Variants in EGR2 observed in about 807,000 individuals in gnomAD.
EGR2 encodes early growth response 2, also known as E3 SUMO-protein ligase EGR2.
EGR2 carries 2 observed loss-of-function variants against 21.2 expected under a neutral mutation model. The observed-to-expected ratio is 0.09, with a 90% CI of 0.04 to 0.30. The LOEUF (loss-of-function observed/expected upper bound fraction) is 0.30, where lower values mean the gene tolerates loss of function less well. Ranked by LOEUF, EGR2 falls within the 10% of genes least tolerant of loss-of-function variation. The probability of loss-of-function intolerance (pLI) is 1.00; values close to 1 mark genes in which losing one functional copy is unlikely to be tolerated. For missense variants in EGR2, 458 were observed against 630.2 expected, an observed-to-expected ratio of 0.73 and a Z score of 2.93; for synonymous variants, 282 against 258.2, an observed-to-expected ratio of 1.09 and a Z score of -0.88.
chr10:62,816,055 C>G lies in EGR2; in HGVS notation c.-26G>C, dbSNP rs1447159444. Reference sequence around the variant, plus strand: ...TTGCTCCTCGCACAACCTGGAGACCCAACTCCCTCGCTACCTGGAGTGTCA... The same window carrying G: ...TTGCTCCTCGCACAACCTGGAGACCGAACTCCCTCGCTACCTGGAGTGTCA... On this transcript the variant is annotated 5_prime_UTR_variant, in exon 1 of 2. Transcript: ENST00000242480. 6.2e-7 allele frequency: 1 copy of G among 1,614,024 alleles called. No homozygotes were observed. Among genetic ancestry groups the G allele is most frequent in the Admixed American group, 1.7e-5 (1 of 60,020 alleles).
chr10:62,815,485 G>A (rs2297488), intron 1 of EGR2, among the ~76,000 whole-genome samples: 8,769 of 152,242 alleles, frequency 0.058, 365 homozygotes, highest in East Asian at 0.2. Flanking sequence ...AGCTCTCCCC[G>A]AGAGCCCCGA....
upstream of EGR2, among the ~76,000 whole-genome samples, chr10:62,817,629 A>G (rs950844166): frequency 9.9e-5 from 15 of 152,010 alleles, no homozygotes; most frequent in African/African-American, 3.6e-4. The surrounding 1 kb of genome is among the most constrained non-coding windows in gnomAD (Gnocchi z 4.4). Flanking sequence ...TCCCCAAAAA[A>G]CACCTCGGTG....
At position 62,814,141 on chromosome 10, in the gene EGR2, G is replaced by A. The variant is rs1842201061; in HGVS notation, c.497C>T (p.Ser166Phe). Residue 166 changes from serine to phenylalanine, a missense_variant, in exon 2 of 2, where the codon TCT (serine) becomes TTT (phenylalanine). Ser to Phe is a radical substitution (Grantham distance 155, BLOSUM62 -2). Coordinates refer to ENST00000242480, the MANE Select transcript of EGR2 (RefSeq NM_000399.5). The surrounding 1 kb of genome is among the most constrained non-coding windows in gnomAD (Gnocchi z 4.8). ...ATAAGGAGGAGGAGGCGGTGGCGGA[G>A]AGTACAGGTGGTCCAGGTCAGGCTG... ...QTQPDLDHLY[S>F]PPPPPPPYSG... 1.2e-6 allele frequency: 2 copies of A among 1,613,902 alleles called. No individual in the cohort carries two copies. The highest frequency in any genetic ancestry group is 2.7e-5 in the African/African-American group (2 of 74,886).
intron 1 of EGR2, among the ~76,000 whole-genome samples, 174 bp downstream of exon 1, chr10:62,815,687 T>C (rs903307075): frequency 2.0e-5 from 3 of 152,234 alleles, no homozygotes; most frequent in Non-Finnish European, 4.4e-5. Flanking sequence ...CCGCGCGCCC[T>C]GGTCTCAGCT....
chr10:62,816,170 AG>A lies in EGR2; in HGVS notation c.-142del, dbSNP rs1439772465. The A allele has an allele frequency of 1.9e-6, 3 of 1,548,704 alleles. No homozygotes were observed. Among genetic ancestry groups the A allele is most frequent in the Admixed American group, 4.2e-5 (2 of 48,044 alleles). On this transcript the variant is annotated 5_prime_UTR_variant, in exon 1 of 2. Coordinates refer to ENST00000242480, the MANE Select transcript of EGR2 (RefSeq NM_000399.5). The stretch of plus-strand genomic sequence containing the variant: ...TTAAAAACAACCACCACACACACCA[AG>A]AAAAAAAAATCAACAGAAATAAAAG...
At position 62,813,871 on chromosome 10, in the gene EGR2, A is replaced by C; in HGVS notation, c.767T>G (p.Leu256Arg). The C allele has an allele frequency of 1.9e-6, 3 of 1,614,144 alleles. No homozygotes were observed. Among genetic ancestry groups the C allele is most frequent in the Non-Finnish European group, 2.5e-6 (3 of 1,180,014 alleles). The change falls in exon 2 of 2, where the codon CTG becomes CGG. Residue 256 changes from leucine to arginine, a missense_variant. This residue lies in a region of EGR2 where 253 missense variants were observed against 315.5 expected (regional missense o/e 0.80). Transcript: ENST00000242480. The surrounding 1 kb of genome is among the most constrained non-coding windows in gnomAD (Gnocchi z 5.7). ...TGGAGTGAGTGGAGGGGGCACCCGC[A>C]GGGTGTCCAGTGGGCAGGGAAAGGG... ...RKPFPCPLDT[L>R]RVPPPLTPLS...
In EGR2 at chr10:62,816,020, C is replaced by T. The variant is rs1283821248; in HGVS notation, c.10G>A (p.Ala4Thr). The change falls in exon 1 of 2, where the codon GCC becomes ACC. Residue 4 changes from alanine (A) to threonine (T), a missense_variant. Transcript: ENST00000242480. MMT[A>T]KAVDKIPVTL... is the part of the protein sequence containing the mutation. ...ACTGGGATTTTGTCTACGGCCTTGG[C>T]GGTCATCATTTGCTCCTCGCACAAC... is the stretch of plus-strand genomic sequence containing the variant. 3 of 1,613,982 alleles carry T rather than the reference C, an allele frequency of 1.9e-6. No individual in the cohort carries two copies. The highest frequency in any genetic ancestry group is 1.1e-5 in the South Asian group (1 of 91,074).
Position 62,814,573 on chromosome 10 carries a change from G to T in EGR2, c.170-105C>A. 8.9e-7 allele frequency: 1 copy of T among 1,128,416 alleles called. No homozygotes were observed. Among genetic ancestry groups the T allele is most frequent in the Non-Finnish European group, 1.3e-6 (1 of 756,052 alleles). 69.9% of individuals were successfully genotyped at this position (1,128,416 alleles called of 1,614,324 possible). A position where few individuals can be genotyped will look rare whatever the true frequency, so the allele number is the denominator to read the frequency against. ...TCCATTTCCAAGGCCGAGAGTCTCA[G>T]CACTGTAGAGCTGTGGCAAAGTCCA... On this transcript the variant is annotated intron_variant, in intron 1 of 1. Coordinates refer to ENST00000242480, the MANE Select transcript of EGR2 (RefSeq NM_000399.5). This position sits in a 1 kb window ranked among gnomAD's most constrained non-coding sequence, Gnocchi z 4.8.
Position 62,814,464 on chromosome 10 carries a change from G to A in EGR2, c.174C>T (p.Gly58=), listed in dbSNP as rs143793213. The part of the protein sequence containing the change: ...FDQMNGVAGD[G]MINIDMTGEK... ...CTCCAGTCATGTCAATGTTGATCAT[G>A]CCATCTGGGGAGGGGAAAGGCAGAA... Residue 58 remains glycine, a synonymous_variant, in exon 2 of 2, where the codon GGC becomes GGT. Coordinates refer to ENST00000242480, the MANE Select transcript of EGR2 (RefSeq NM_000399.5). The surrounding 1 kb of genome is among the most constrained non-coding windows in gnomAD (Gnocchi z 4.8). 475 of 1,614,000 alleles carry A rather than the reference G, an allele frequency of 2.9e-4. 1 individual carries two copies. The highest frequency in any genetic ancestry group is 3.6e-4 in the Non-Finnish European group (421 of 1,179,966).
At chr10:62,818,456 C>T (rs1413808189), upstream of EGR2, 18 of 704,588 alleles carry the variant, frequency 2.6e-5, no homozygotes, top group Non-Finnish European at 3.5e-5. Context: ...AGTAGATACC[C>T]CACCCCAGCA....
chr10:62,813,349 G>C lies in EGR2; in HGVS notation c.1289C>G (p.Ala430Gly), dbSNP rs1379109440. Residue 430 changes from alanine to glycine, a missense_variant, in exon 2 of 2, where the codon GCC (alanine) becomes GGC (glycine). Physicochemically the swap from Ala to Gly is moderately conservative, Grantham distance 60 (BLOSUM62 0). Around this residue, in one of 5 missense-constraint regions of EGR2, gnomAD observed 69 missense variants for 70.4 expected, o/e 0.98. Coordinates refer to ENST00000242480, the MANE Select transcript of EGR2 (RefSeq NM_000399.5). This position sits in a 1 kb window ranked among gnomAD's most constrained non-coding sequence, Gnocchi z 5.7. ...GGGGGCTGGCACCGATGCAGAGGGG[G>C]CACTGCTTTTCCGCTCTTTCTGTCT... Reference protein sequence around the residue: ...HLRQKERKSSAPSASVPAPST... With the variant: ...HLRQKERKSSGPSASVPAPST... 1 of 1,599,650 alleles carries C rather than the reference G, an allele frequency of 6.3e-7. No homozygotes were observed.
At chr10:62,816,594 G>C (rs552612686), upstream of EGR2, among the ~76,000 whole-genome samples, 2 of 152,186 alleles carry the variant, frequency 1.3e-5, no homozygotes, top group Non-Finnish European at 2.9e-5. Context: ...CTGCAGCCTG[G>C]GTCCGGGGCG....
chr10:62,815,822 G>A (rs963945257), intron 1 of EGR2, 39 bp downstream of exon 1: 2 of 1,612,346 alleles, frequency 1.2e-6, no homozygotes, highest in East Asian at 2.2e-5. Context: ...ACCACCTCCG[G>A]GCCGCGCAGG....
chr10:62,814,546 G>A lies in EGR2; in HGVS notation c.170-78C>T. ...CTCCCTTCTCACCCCCGCTCACATA[G>A]GTCCATTTCCAAGGCCGAGAGTCTC... On this transcript the variant is annotated intron_variant, in intron 1 of 1. Transcript: ENST00000242480. The surrounding 1 kb of genome is among the most constrained non-coding windows in gnomAD (Gnocchi z 4.8). 1 of 1,394,234 alleles carries A rather than the reference G, an allele frequency of 7.2e-7. No homozygotes were observed. The allele number at this position is 1,394,234 out of a possible 1,614,324, so 86.4% of individuals were successfully genotyped here.
chr10:62,819,050 A>AG (rs1257756935), upstream of EGR2: 2 of 152,420 alleles, frequency 1.3e-5, no homozygotes, highest in Non-Finnish European at 2.9e-5. Context: ...CGGGTGGAGG[A>AG]GGGGGCCCCA....
Position 62,813,465 on chromosome 10 carries a change from G to C in EGR2, c.1173C>G (p.Thr391=), listed in dbSNP as rs759778651. Reference sequence around the variant, plus strand: ...AGGCGAAGGGCTTCTCACCGGTGTGGGTGCGGATATGGGTGGTGAGGTGGT... The same window carrying C: ...AGGCGAAGGGCTTCTCACCGGTGTGCGTGCGGATATGGGTGGTGAGGTGGT... ...RSDHLTTHIR[T]HTGEKPFACD... Residue 391 remains threonine, a synonymous_variant, in exon 2 of 2, where the codon ACC becomes ACG. Transcript: ENST00000242480. This position sits in a 1 kb window ranked among gnomAD's most constrained non-coding sequence, Gnocchi z 5.7. 6.2e-7 allele frequency: 1 copy of C among 1,614,206 alleles called. No homozygotes were observed. Among genetic ancestry groups the C allele is most frequent in the Non-Finnish European group, 8.5e-7 (1 of 1,180,042 alleles).
rs1353824847 is a variant in EGR2, at chr10:62,813,224, G to C, written c.1414C>G (p.Arg472Gly). The C allele has an allele frequency of 1.9e-6, 3 of 1,569,074 alleles. No individual in the cohort carries two copies. The Admixed American group carries it at 5.6e-5, about 29-fold the overall frequency. ...GGGPLAPCSS[R>G]TRTP is the part of the protein sequence containing the mutation. ...GTCTCATCTCAAGGTGTCCGGGTCC[G>C]AGAGGAGCAAGGGGCGAGCGGCCCT... Residue 472 changes from arginine to glycine, a missense_variant, in exon 2 of 2, where the codon CGG becomes GGG. Arg to Gly is a moderately radical substitution (Grantham distance 125). Coordinates refer to ENST00000242480, the MANE Select transcript of EGR2 (RefSeq NM_000399.5). This position sits in a 1 kb window ranked among gnomAD's most constrained non-coding sequence, Gnocchi z 5.7.
Position 62,814,603 on chromosome 10 carries a change from G to T in EGR2, c.170-135C>A, listed in dbSNP as rs1842215346. On this transcript the variant is annotated intron_variant, in intron 1 of 1. Transcript: ENST00000242480. The surrounding 1 kb of genome is among the most constrained non-coding windows in gnomAD (Gnocchi z 4.8). ...GTAGAGCTGTGGCAAAGTCCAAAAG[G>T]TGGGGAAATTGAGGCCCACAGACTG... is the stretch of plus-strand genomic sequence containing the variant. 2 of 893,030 alleles carry T rather than the reference G, an allele frequency of 2.2e-6. No homozygotes were observed. The allele number at this position is 893,030 out of a possible 1,614,324, so 55.3% of individuals were successfully genotyped here.
chr10:62,816,341 A>G lies in EGR2; in HGVS notation c.-312T>C. The G allele has an allele frequency of 8.0e-7, 1 of 1,255,300 alleles. No homozygotes were observed. The highest frequency in any genetic ancestry group is 1.0e-6 in the Non-Finnish European group (1 of 987,006). The allele number at this position is 1,255,300 out of a possible 1,614,324, so 77.8% of individuals were successfully genotyped here. ...AGTCAGTGAGTCCCCTCGCCGAGCT[A>G]TTAATCAATTGCTCCTCGCTCAGTT... On this transcript the variant is annotated 5_prime_UTR_variant, in exon 1 of 2. Coordinates refer to ENST00000242480, the MANE Select transcript of EGR2 (RefSeq NM_000399.5).
Sources: allele counts gnomAD v4.1 joint callset (sites outside exome capture counted in the v4.1 genomes callset), GRCh38; gene constraint gnomAD v4.1.1; regional missense constraint gnomAD v4.1.1; non-coding constraint Gnocchi (gnomAD v3.1); transcripts MANE v1.5; gene names NCBI Gene and HGNC (gene_info 2026-07-23, HGNC 2026-07-21).